The following FAM81B variants were observed in gnomAD, a reference collection of about 807,000 sequenced individuals.
FAM81B encodes protein FAM81B.
In FAM81B, 60 loss-of-function variants were observed where a neutral mutation model predicts 58.7. The observed-to-expected ratio is 1.02, with a 90% CI of 0.83 to 1.27. The LOEUF is 1.27. Among genes scored for constraint, FAM81B ranks in the 50% most tolerant of loss-of-function variants. FAM81B has a pLI of 0.00. For synonymous variants in FAM81B, 189 were observed against 179.6 expected (o/e 1.05, Z -0.42); for missense variants, 491 against 522.0 (o/e 0.94, Z 0.58).
chr5:95,449,822 A>T (rs1745730899), intron 9 of FAM81B, among the ~76,000 whole-genome samples: 1 of 152,258 alleles, frequency 6.6e-6, no homozygotes, highest in Non-Finnish European at 1.5e-5. Flanking sequence ...AAAAAATCAC[A>T]CAAGTCTCTC....
At chr5:95,408,805 C>G (rs1228190015) in intron 3 of FAM81B, among the ~76,000 whole-genome samples, 2 of 152,190 alleles carry the variant, frequency 1.3e-5, no homozygotes, top group Non-Finnish European at 2.9e-5. Context: ...CTCAAAGATA[C>G]TAGCTATAAC....
At chr5:95,426,467 A>G (rs190233644) in intron 5 of FAM81B, among the ~76,000 whole-genome samples, 1 of 152,196 alleles carries the variant, frequency 6.6e-6, no homozygotes, top group Admixed American at 6.5e-5. Context: ...TAAATAAATC[A>G]TATCTGCTAA....
chr5:95,415,421 A>C (rs1762514535), intron 4 of FAM81B, among the ~76,000 whole-genome samples: 2 of 152,360 alleles, frequency 1.3e-5, no homozygotes, highest in Admixed American at 1.3e-4. Flanking sequence ...TTCCATCTGC[A>C]GGGTTTAACA....
intron 3 of FAM81B, among the ~76,000 whole-genome samples, chr5:95,411,542 TAAGTC>T (rs1436519933): frequency 1.3e-5 from 2 of 152,154 alleles, no homozygotes; most frequent in Admixed American, 6.5e-5. Flanking sequence ...CATAAAGAAA[TAAGTC>T]AAGATTCAAA....
chr5:95,421,024 C>T (rs1465877597), intron 5 of FAM81B, among the ~76,000 whole-genome samples: 2 of 152,146 alleles, frequency 1.3e-5, no homozygotes, highest in Non-Finnish European at 2.9e-5. Flanking sequence ...GGTTAATCCT[C>T]TCGGAATTAG....
At chr5:95,426,909 C>T (rs1429482193) in intron 5 of FAM81B, among the ~76,000 whole-genome samples, 5 of 152,106 alleles carry the variant, frequency 3.3e-5, no homozygotes, top group Non-Finnish European at 5.9e-5. Context: ...ATTAGCCAGG[C>T]GTGGTGGCGC....
rs1441273392 is a variant in FAM81B, at chr5:95,446,592, A to G, written c.924A>G (p.Glu308=). The change falls in exon 8 of 10, where the codon GAA becomes GAG. Residue 308 remains glutamate (E), a synonymous_variant. Transcript: ENST00000283357. ...KFHSLSSNLY[E]EVENNKKWTE... Reference sequence around the variant, plus strand: ...ATTCACTTTCAAGTAATCTGTACGAAGAAGTTGAGAATAATAAAAAATGGA... The same window carrying G: ...ATTCACTTTCAAGTAATCTGTACGAGGAAGTTGAGAATAATAAAAAATGGA... 6 of 1,610,586 alleles carry G rather than the reference A, an allele frequency of 3.7e-6. No individual in the cohort carries two copies. In the Admixed American group the frequency reaches 1.0e-4, roughly 27 times the overall value.
At chr5:95,395,155 T>C (rs780190804) in intron 2 of FAM81B, among the ~76,000 whole-genome samples, 13 of 152,192 alleles carry the variant, frequency 8.5e-5, no homozygotes, top group Non-Finnish European at 1.9e-4. Flanking sequence ...TTAAGGCATT[T>C]TCGGCTGGGC....
chr5:95,407,288 A>ACC (rs1762274911), intron 3 of FAM81B, among the ~76,000 whole-genome samples: 1 of 144,510 alleles, frequency 6.9e-6, no homozygotes, highest in African/African-American at 2.5e-5. Flanking sequence ...ACACACACAC[A>ACC]CACACGCACA....
intron 5 of FAM81B, among the ~76,000 whole-genome samples, chr5:95,426,096 A>G (rs181109069): frequency 0.019 from 1,825 of 94,254 alleles, 36 homozygotes; most frequent in East Asian, 0.061. Flanking sequence ...CTCTGTGTGT[A>G]TATATATATA....
At chr5:95,411,328 G>C (rs1458234290) in intron 3 of FAM81B, among the ~76,000 whole-genome samples, 1 of 151,952 alleles carries the variant, frequency 6.6e-6, no homozygotes, top group African/African-American at 2.4e-5. Context: ...TATAATTCTG[G>C]AAAAAATAAT....
intron 9 of FAM81B, among the ~76,000 whole-genome samples, chr5:95,449,544 G>C (rs1188662933): frequency 6.6e-6 from 1 of 151,912 alleles, no homozygotes; most frequent in East Asian, 1.9e-4. Context: ...CAAATTAATG[G>C]TTTGCTGCTT....
At chr5:95,427,704 G>A (rs1183716023) in intron 5 of FAM81B, among the ~76,000 whole-genome samples, 1 of 152,082 alleles carries the variant, frequency 6.6e-6, no homozygotes, top group Non-Finnish European at 1.5e-5. Context: ...TTTTATAAAA[G>A]TGACAAATAT....
chr5:95,408,185 T>C (rs1423978450), intron 3 of FAM81B, among the ~76,000 whole-genome samples: 2 of 152,010 alleles, frequency 1.3e-5, no homozygotes, highest in South Asian at 2.1e-4. Flanking sequence ...ACCACACATA[T>C]TGAAAGGCAC....
At chr5:95,430,283 T>C (rs1009417350) in intron 6 of FAM81B, among the ~76,000 whole-genome samples, 1 of 151,994 alleles carries the variant, frequency 6.6e-6, no homozygotes, top group African/African-American at 2.4e-5. Flanking sequence ...CAGGTAAGCA[T>C]TTTTATTAGT....
At chr5:95,430,858 C>T (rs111946276) in intron 6 of FAM81B, among the ~76,000 whole-genome samples, 8,029 of 152,110 alleles carry the variant, frequency 0.053, 255 homozygotes, top group South Asian at 0.14. Context: ...CTCACCAATG[C>T]AGTATTGTTC....
At chr5:95,422,924 T>C (rs183017204) in intron 5 of FAM81B, among the ~76,000 whole-genome samples, 5 of 152,322 alleles carry the variant, frequency 3.3e-5, no homozygotes, top group Admixed American at 2.6e-4. Flanking sequence ...AAGGTCTTAT[T>C]TTTCCTTGAA....
At chr5:95,396,232 C>A in intron 3 of FAM81B, 57 bp downstream of exon 3, 1 of 1,365,350 alleles carries the variant, frequency 7.3e-7, no homozygotes. Context: ...TGTGACAAAT[C>A]TCACACGCAA....
intron 7 of FAM81B, among the ~76,000 whole-genome samples, chr5:95,441,800 C>T (rs1323765574): frequency 2.0e-5 from 3 of 152,144 alleles, no homozygotes; most frequent in African/African-American, 7.2e-5. Context: ...CACTGTGCCT[C>T]CTCCTCAGAA....
Sources: gnomAD v4.1 joint callset for allele counts (sites outside exome capture counted in the v4.1 genomes callset) on GRCh38, gnomAD v4.1.1 for gene constraint, MANE v1.5 for transcripts, NCBI Gene and HGNC (gene_info 2026-07-23, HGNC 2026-07-21) for gene names.